Variants in COL27A1 observed in about 807,000 individuals in gnomAD.
COL27A1 encodes collagen alpha-1(XXVII) chain.
A neutral mutation model predicts 251.3 loss-of-function variants in COL27A1; 106 were observed. The ratio of observed to expected loss-of-function variants is 0.42; its 90% CI spans 0.36 to 0.50. The LOEUF is 0.50. Ranked by LOEUF, COL27A1 falls within the 20% of genes least tolerant of loss-of-function variation. The probability of loss-of-function intolerance (pLI) is 0.00; values close to 1 mark genes in which losing one functional copy is unlikely to be tolerated. For synonymous variants in COL27A1, 1,000 were observed against 986.3 expected, an observed-to-expected ratio of 1.01 and a Z score of -0.26; for missense variants, 2,325 against 2,522.8, an observed-to-expected ratio of 0.92 and a Z score of 1.68.
Position 114,155,805 on chromosome 9 carries a change from G to T in COL27A1, c.-146G>T. The T allele has an allele frequency of 1.8e-6, 1 of 559,308 alleles. No individual in the cohort carries two copies. The highest frequency in any genetic ancestry group is 2.3e-6 in the Non-Finnish European group (1 of 442,196). 34.6% of individuals were successfully genotyped at this position (559,308 alleles called of 1,614,324 possible). A position where few individuals can be genotyped will look rare whatever the true frequency, so the allele number is the denominator to read the frequency against. ...CCCAGCCGCGCTGCCTGCCTGCTCG[G>T]GCGCCCCTGGGCGCGGGGCTGCGCT... is the stretch of plus-strand genomic sequence containing the variant. On this transcript the variant is annotated 5_prime_UTR_variant, in exon 1 of 61. Transcript: ENST00000356083. This position sits in a 1 kb window ranked among gnomAD's most constrained non-coding sequence, Gnocchi z 5.5.
At chr9:114,275,622 T>A in intron 36 of COL27A1, 39 bp from the exon 37 acceptor site, 2 of 1,387,416 alleles carry the variant, frequency 1.4e-6, no homozygotes, top group South Asian at 2.6e-5. Flanking sequence ...AACTAACTTA[T>A]TCTCTCTCTC....
In COL27A1 at chr9:114,205,154, C is replaced by G. The variant is rs371511114; in HGVS notation, c.2169+8C>G. 6 of 1,610,394 alleles carry G rather than the reference C, an allele frequency of 3.7e-6. No homozygotes were observed. Among genetic ancestry groups the G allele is most frequent in the Non-Finnish European group, 5.1e-6 (6 of 1,178,578 alleles). On this transcript the variant is annotated splice_region_variant and intron_variant, in intron 8 of 60. Coordinates refer to ENST00000356083, the MANE Select transcript of COL27A1 (RefSeq NM_032888.4). ...GGGCACCCCGGAGAACAGGTGAGGG[C>G]CTCAGCCTCAGCCCTGCCCTGGTCG...
At chr9:114,302,698 ACT>A (rs1828733625) in intron 56 of COL27A1, among the ~76,000 whole-genome samples, 1 of 146,976 alleles carries the variant, frequency 6.8e-6, no homozygotes, top group Non-Finnish European at 1.5e-5. Context: ...ACAGACCAAG[ACT>A]CTGTCTCAAA....
chr9:114,310,662 C>G lies in COL27A1; in HGVS notation c.5550C>G (p.Tyr1850Ter). ...NLPPASSGKQ[Y>*]RLEVGPACFL ...CTCCTGCCTCATCAGGGAAGCAGTACCGCCTGGAAGTTGGACCTGCGTGCT... is the reference window on the plus strand; with the variant it reads ...CTCCTGCCTCATCAGGGAAGCAGTAGCGCCTGGAAGTTGGACCTGCGTGCT... Residue 1850 changes from tyrosine (Y) to a stop codon, truncating the protein, a stop_gained, in exon 61 of 61, where the codon TAC becomes TAG. Transcript: ENST00000356083. LOFTEE classifies it high-confidence loss of function. The G allele has an allele frequency of 6.2e-7, 1 of 1,614,216 alleles. No individual in the cohort carries two copies. The highest frequency in any genetic ancestry group is 8.5e-7 in the Non-Finnish European group (1 of 1,180,030).
chr9:114,177,756 C>G (rs1369366893), intron 3 of COL27A1, among the ~76,000 whole-genome samples: 2 of 152,192 alleles, frequency 1.3e-5, no homozygotes, highest in East Asian at 3.9e-4. Flanking sequence ...GCTGTGCTGC[C>G]TGTTTGTGGG....
chr9:114,288,636 C>A, intron 42 of COL27A1, 66 bp from the exon 43 acceptor site: 1 of 1,570,914 alleles, frequency 6.4e-7, no homozygotes, highest in Non-Finnish European at 8.7e-7. Flanking sequence ...TCGCGGCCAA[C>A]AGGGCCCAGG....
rs145824150 is a variant in COL27A1, at chr9:114,168,438, G to T, written c.883G>T (p.Ala295Ser). 4.3e-6 allele frequency: 7 copies of T among 1,613,556 alleles called. No homozygotes were observed. The African/African-American group carries it at 9.3e-5, about 22-fold the overall frequency. The change falls in exon 3 of 61, where the codon GCC (alanine) becomes TCC (serine). Residue 295 changes from alanine to serine, a missense_variant. Around this residue, in one of 4 missense-constraint regions of COL27A1, gnomAD observed 1,183 missense variants for 1,144.1 expected, o/e 1.03. Coordinates refer to ENST00000356083, the MANE Select transcript of COL27A1 (RefSeq NM_032888.4). ...GRGPRGTVAPATPTKPQRTSP... is the reference protein window; with the variant it reads ...GRGPRGTVAPSTPTKPQRTSP... ...GGGACCCAGGGGGACTGTGGCACCC[G>T]CCACGCCCACCAAGCCCCAAAGGAC...
chr9:114,288,162 T>G (rs1389320910), intron 41 of COL27A1, among the ~76,000 whole-genome samples: 1 of 152,050 alleles, frequency 6.6e-6, no homozygotes, highest in Non-Finnish European at 1.5e-5. Flanking sequence ...ACACGGCTGG[T>G]CCTTTGCAAG....
Position 114,292,153 on chromosome 9 carries a change from A to T in COL27A1, c.4527A>T (p.Thr1509=). ...TGGGTCCCCCTGGCAAGCGAGGAAC[A>T]GAGGGCAGAACGGGGCTCCCTGGAA... The part of the protein sequence containing the change: ...GQLGPPGKRG[T]EGRTGLPGNQ... The change falls in exon 49 of 61, where the codon ACA becomes ACT. Residue 1509 remains threonine (T), a synonymous_variant. Coordinates refer to ENST00000356083, the MANE Select transcript of COL27A1 (RefSeq NM_032888.4). The T allele has an allele frequency of 6.4e-7, 1 of 1,562,460 alleles. No homozygotes were observed. Among genetic ancestry groups the T allele is most frequent in the Non-Finnish European group, 8.7e-7 (1 of 1,153,120 alleles).
intron 7 of COL27A1, among the ~76,000 whole-genome samples, chr9:114,201,659 CT>C (rs1346699469): frequency 2.0e-5 from 3 of 152,228 alleles, no homozygotes; most frequent in Admixed American, 2.0e-4. Context: ...CTTCCCCTCT[CT>C]GAGCTTCAGT....
rs1588653166 is a variant in COL27A1, at chr9:114,204,168, A to G, written c.2125-934A>G. ...TAGCTGAAGAGGACTCAAGAGTTCT[A>G]ACTCCCTTATCTGAAGTTCAGAGAA... On this transcript the variant is annotated intron_variant, in intron 7 of 60. Coordinates refer to ENST00000356083, the MANE Select transcript of COL27A1 (RefSeq NM_032888.4). Among the ~76,000 whole-genome samples, 3 of 152,296 alleles carry G rather than the reference A, an allele frequency of 2.0e-5. No individual in the cohort carries two copies. In the South Asian group the frequency reaches 6.2e-4, roughly 32 times the overall value.
intron 41 of COL27A1, among the ~76,000 whole-genome samples, chr9:114,286,781 T>G (rs1827526440): frequency 6.6e-6 from 1 of 152,138 alleles, no homozygotes; most frequent in African/African-American, 2.4e-5. Flanking sequence ...CAGACTACAG[T>G]CACATTGCGG....
chr9:114,307,983 G>A (rs1198859242), intron 59 of COL27A1, among the ~76,000 whole-genome samples: 1 of 152,114 alleles, frequency 6.6e-6, no homozygotes, highest in African/African-American at 2.4e-5. Flanking sequence ...AAACCCTTTC[G>A]AGTCATATGA....
chr9:114,162,079 C>G lies in COL27A1; in HGVS notation c.63-636C>G, dbSNP rs148159004. On this transcript the variant is annotated intron_variant, in intron 1 of 60. Coordinates refer to ENST00000356083, the MANE Select transcript of COL27A1 (RefSeq NM_032888.4). Reference sequence around the variant, plus strand: ...AGGCCAGGTTTGCACGTGGCTCTGTCTAACTCCCCCTCGTCCCCTCTGTTT... The same window carrying G: ...AGGCCAGGTTTGCACGTGGCTCTGTGTAACTCCCCCTCGTCCCCTCTGTTT... 1.9e-3 allele frequency among the ~76,000 whole-genome samples: 296 copies of G among 152,346 alleles called. 1 individual carries two copies. Among genetic ancestry groups the G allele is most frequent in the African/African-American group, 6.9e-3 (287 of 41,568 alleles).
Position 114,169,361 on chromosome 9 carries a change from C to G in COL27A1, c.1806C>G (p.Pro602=). ...CGGCGCAATTCCTGTCCTCCAGCCC[C>G]CGGCCCACGAGCAGTGGCTATTCGA... ...LAPAQFLSSS[P]RPTSSGYSIF... is the part of the protein sequence containing the mutation. The change falls in exon 3 of 61, where the codon CCC becomes CCG. Residue 602 remains proline (P), a synonymous_variant. Transcript: ENST00000356083. The G allele has an allele frequency of 1.2e-6, 2 of 1,612,240 alleles. No homozygotes were observed. Among genetic ancestry groups the G allele is most frequent in the Non-Finnish European group, 1.7e-6 (2 of 1,179,638 alleles).
chr9:114,187,216 G>C (rs1828415868), intron 5 of COL27A1, among the ~76,000 whole-genome samples: 1 of 152,272 alleles, frequency 6.6e-6, no homozygotes, highest in African/African-American at 2.4e-5. Flanking sequence ...TGAGATCAGA[G>C]ATGGAGTATG....
rs750140408 is a variant in COL27A1, at chr9:114,258,531, C to A, written c.3142-10C>A. 6.2e-7 allele frequency: 1 copy of A among 1,613,218 alleles called. No individual in the cohort carries two copies. The highest frequency in any genetic ancestry group is 8.5e-7 in the Non-Finnish European group (1 of 1,179,706). Reference sequence around the variant, plus strand: ...AAGGGGCCTCTCCAAACTCTTTCTCCTCTTCCCAGGGTCCTCCAGGATCTC... The same window carrying A: ...AAGGGGCCTCTCCAAACTCTTTCTCATCTTCCCAGGGTCCTCCAGGATCTC... On this transcript the variant is annotated splice_polypyrimidine_tract_variant and intron_variant, in intron 27 of 60. Coordinates refer to ENST00000356083, the MANE Select transcript of COL27A1 (RefSeq NM_032888.4).
chr9:114,184,244 C>T lies in COL27A1; in HGVS notation c.2016+1169C>T, dbSNP rs73656013. Among the ~76,000 whole-genome samples the T allele has an allele frequency of 1.7e-3, 254 of 152,330 alleles. 2 individuals carry two copies. The highest frequency in any genetic ancestry group is 6.0e-3 in the African/African-American group (249 of 41,584). ...AGGTCCCGGGTCATTCTTTGATAACCCAGCTGCAGAGGTTGAATGGCTTAA... is the reference window on the plus strand; with the variant it reads ...AGGTCCCGGGTCATTCTTTGATAACTCAGCTGCAGAGGTTGAATGGCTTAA... On this transcript the variant is annotated intron_variant, in intron 5 of 60. Transcript: ENST00000356083.
At chr9:114,212,400 G>A (rs1830427887) in intron 12 of COL27A1, among the ~76,000 whole-genome samples, 1 of 152,240 alleles carries the variant, frequency 6.6e-6, no homozygotes, top group Non-Finnish European at 1.5e-5. Flanking sequence ...ATTTTGCTTT[G>A]TTCTGGCAGA....
Sources: allele counts gnomAD v4.1 joint callset (sites outside exome capture counted in the v4.1 genomes callset), GRCh38; gene constraint gnomAD v4.1.1; regional missense constraint gnomAD v4.1.1; non-coding constraint Gnocchi (gnomAD v3.1); transcripts MANE v1.5; gene names NCBI Gene and HGNC (gene_info 2026-07-23, HGNC 2026-07-21).